PCLAF: variants seen among roughly 807,000 people sequenced by gnomAD.
PCLAF encodes the protein PCNA clamp associated factor.
A neutral mutation model predicts 15.1 loss-of-function variants in PCLAF; 12 were observed. That is an observed-to-expected ratio of 0.79 (90% CI 0.51 to 1.29). The LOEUF (loss-of-function observed/expected upper bound fraction) is 1.29, where lower values mean the gene tolerates loss of function less well. Among genes scored for constraint, PCLAF ranks in the 50% most tolerant of loss-of-function variants. The pLI, the probability that PCLAF is intolerant of heterozygous loss-of-function variation, is 0.00. For synonymous variants in PCLAF, 33 were observed against 47.1 expected (o/e 0.70, Z 1.22); for missense variants, 116 against 130.9 (o/e 0.89, Z 0.56).
intron 2 of PCLAF, among the ~76,000 whole-genome samples, chr15:64,378,468 T>G (rs1409712949): frequency 6.6e-6 from 1 of 152,162 alleles, no homozygotes; most frequent in Non-Finnish European, 1.5e-5. Context: ...AATGGGGTTT[T>G]GCCACGTTGT....
intron 1 of PCLAF, 106 bp from the exon 2 acceptor site, chr15:64,381,144 C>G: frequency 8.0e-7 from 1 of 1,252,836 alleles, no homozygotes; most frequent in Non-Finnish European, 1.2e-6. Flanking sequence ...TCCAGAACAG[C>G]AGGATAACCT....
intron 1 of PCLAF, 143 bp downstream of exon 1, chr15:64,381,183 G>A: frequency 8.2e-7 from 1 of 1,213,164 alleles, no homozygotes; most frequent in Non-Finnish European, 1.2e-6. Flanking sequence ...TCCTCTTCTA[G>A]GTAAAGGGGC....
At chr15:64,369,336 GA>G (rs943459734) in intron 3 of PCLAF, among the ~76,000 whole-genome samples, 70 of 126,176 alleles carry the variant, frequency 5.5e-4, no homozygotes, top group African/African-American at 1.9e-3. Flanking sequence ...ACTCCAGCCT[GA>G]GTAACAGAGC....
At chr15:64,381,208 C>G in intron 1 of PCLAF, 118 bp downstream of exon 1, 2 of 1,337,876 alleles carry the variant, frequency 1.5e-6, no homozygotes, top group East Asian at 4.6e-5. Flanking sequence ...CGGCTACTCC[C>G]TGGCTAGCTA....
chr15:64,385,649 G>A (rs1330927744), upstream of PCLAF, among the ~76,000 whole-genome samples: 1 of 151,498 alleles, frequency 6.6e-6, no homozygotes, highest in Non-Finnish European at 1.5e-5. Context: ...AAAAAAAAAA[G>A]AAAAAGAAAA....
upstream of PCLAF, chr15:64,381,475 T>C (rs1899821102): frequency 6.2e-7 from 1 of 1,605,960 alleles, no homozygotes; most frequent in East Asian, 2.2e-5. Flanking sequence ...TTTATATTGG[T>C]CTCTTTCCCG....
chr15:64,375,759 G>A (rs1899582907), intron 3 of PCLAF, among the ~76,000 whole-genome samples: 1 of 152,142 alleles, frequency 6.6e-6, no homozygotes, highest in African/African-American at 2.4e-5. Flanking sequence ...TGGAATTCAA[G>A]TTATATAAGC....
chr15:64,385,444 G>T (rs1408809415), upstream of PCLAF, among the ~76,000 whole-genome samples: 1 of 151,846 alleles, frequency 6.6e-6, no homozygotes, highest in African/African-American at 2.4e-5. Context: ...TGACCAACAT[G>T]GAGAAACCCC....
rs753112623 is a variant in PCLAF, at chr15:64,374,751, T to C, written c.290+1992A>G. 5.3e-4 allele frequency among the ~76,000 whole-genome samples: 76 copies of C among 144,756 alleles called. 1 individual carries two copies. Among genetic ancestry groups the C allele is most frequent in the Non-Finnish European group, 9.6e-4 (64 of 66,966 alleles). 95.0% of individuals were successfully genotyped at this position (144,756 alleles called of 152,430 possible). A position where few individuals can be genotyped will look rare whatever the true frequency, so the allele number is the denominator to read the frequency against. On this transcript the variant is annotated intron_variant, in intron 3 of 3. Transcript: ENST00000300035. ...ATTCCAGCTACTTGGAAGGCTGAGG[T>C]GGGAGAATCAATCGAACCCAGGAGG...
chr15:64,371,873 AG>A (rs953218408), intron 3 of PCLAF, among the ~76,000 whole-genome samples: 11 of 152,086 alleles, frequency 7.2e-5, no homozygotes, highest in African/African-American at 2.4e-4. Context: ...CTGGGATTAC[AG>A]GCATTAGCCA....
intron 3 of PCLAF, chr15:64,373,668 C>T: frequency 6.5e-7 from 1 of 1,533,326 alleles, no homozygotes. Flanking sequence ...AGTAGCAGAC[C>T]CAGAATGAGC....
At position 64,380,774 on chromosome 15, in the gene PCLAF, T is replaced by A. The variant is rs531276123; in HGVS notation, c.127+184A>T. 3.3e-5 allele frequency among the ~76,000 whole-genome samples: 5 copies of A among 151,992 alleles called. No individual in the cohort carries two copies. In the East Asian group the frequency reaches 9.7e-4, roughly 29 times the overall value. Reference sequence around the variant, plus strand: ...GGTCCTTAACTCCAAGGCTTGAAATTCCCTTCCATGAGACCTCCCCCCCAC... The same window carrying A: ...GGTCCTTAACTCCAAGGCTTGAAATACCCTTCCATGAGACCTCCCCCCCAC... On this transcript the variant is annotated intron_variant, in intron 2 of 3. Transcript: ENST00000300035.
chr15:64,378,449 A>G (rs980111592), intron 2 of PCLAF, among the ~76,000 whole-genome samples: 2 of 152,160 alleles, frequency 1.3e-5, no homozygotes, highest in Non-Finnish European at 2.9e-5. Flanking sequence ...TTACATTTAT[A>G]AAAATAGCAA....
intron 3 of PCLAF, among the ~76,000 whole-genome samples, chr15:64,372,979 A>G (rs1390872369): frequency 1.3e-5 from 2 of 152,230 alleles, no homozygotes; most frequent in Non-Finnish European, 2.9e-5. Context: ...CAAACAAACA[A>G]AAGAAACAGA....
At chr15:64,373,712 G>A in intron 3 of PCLAF, 1 of 1,535,782 alleles carries the variant, frequency 6.5e-7, no homozygotes, top group South Asian at 1.2e-5. Flanking sequence ...TTGGATCAGT[G>A]TGCCGTGTGT....
At chr15:64,376,106 T>C (rs944208705) in intron 3 of PCLAF, among the ~76,000 whole-genome samples, 5 of 152,048 alleles carry the variant, frequency 3.3e-5, no homozygotes, top group Non-Finnish European at 7.4e-5. Context: ...GTGCCTGTAA[T>C]CCCAGCTACT....
chr15:64,369,626 C>G (rs1282684424), intron 3 of PCLAF, among the ~76,000 whole-genome samples: 1 of 152,118 alleles, frequency 6.6e-6, no homozygotes, highest in Non-Finnish European at 1.5e-5. Flanking sequence ...TCTCGGCTCA[C>G]TGCAACCTCT....
At chr15:64,379,545 T>C (rs951070560) in intron 2 of PCLAF, among the ~76,000 whole-genome samples, 5 of 152,020 alleles carry the variant, frequency 3.3e-5, no homozygotes, top group Non-Finnish European at 7.4e-5. Context: ...TATAAGTTAC[T>C]CTAAAAAAAT....
rs1338346064 is a variant in PCLAF, at chr15:64,377,489, ATATATATAT to A, written c.128-593_128-585del. On this transcript the variant is annotated intron_variant, in intron 2 of 3. Transcript: ENST00000300035. ...CTGTCTCAAAAAAAAAAAAAAAAAA[ATATATATAT>A]ATATATATATATATATATATATATA... Among the ~76,000 whole-genome samples the A allele has an allele frequency of 4.1e-3, 68 of 16,466 alleles. 8 individuals are homozygous for A. The highest frequency in any genetic ancestry group is 9.7e-3 in the Admixed American group (8 of 822). 10.8% of individuals were successfully genotyped at this position (16,466 alleles called of 152,430 possible).
Sources: allele counts gnomAD v4.1 joint callset (sites outside exome capture counted in the v4.1 genomes callset), GRCh38; gene constraint gnomAD v4.1.1; transcripts MANE v1.5; gene names NCBI Gene and HGNC (gene_info 2026-07-23, HGNC 2026-07-21).